The following HS6ST3 variants were observed in gnomAD, a reference collection of about 807,000 sequenced individuals.
The protein encoded by HS6ST3 is heparan sulfate 6-O-sulfotransferase 3, also known as heparan-sulfate 6-O-sulfotransferase 3.
In HS6ST3, 12 loss-of-function variants were observed where a neutral mutation model predicts 36.7. That is an observed-to-expected ratio of 0.33 (90% CI 0.21 to 0.53). HS6ST3 has a LOEUF of 0.53. Ranked by LOEUF, HS6ST3 falls within the 20% of genes least tolerant of loss-of-function variation. The pLI, the probability that HS6ST3 is intolerant of heterozygous loss-of-function variation, is 0.95. For missense variants in HS6ST3, 584 were observed against 640.9 expected, an observed-to-expected ratio of 0.91 and a Z score of 0.96; for synonymous variants, 240 against 257.5, an observed-to-expected ratio of 0.93 and a Z score of 0.65.
At chr13:96,751,618 A>G (rs369104544) in intron 1 of HS6ST3, among the ~76,000 whole-genome samples, 1 of 152,134 alleles carries the variant, frequency 6.6e-6, no homozygotes, top group Non-Finnish European at 1.5e-5. Flanking sequence ...ATAAATGAAT[A>G]CATTTTTAAA....
intron 1 of HS6ST3, among the ~76,000 whole-genome samples, chr13:96,554,297 A>G (rs2056231185): frequency 6.6e-6 from 1 of 152,222 alleles, no homozygotes; most frequent in African/African-American, 2.4e-5. Flanking sequence ...TCCAGATATC[A>G]TATCTTGCTG....
At chr13:96,225,023 A>G (rs968097158) in intron 1 of HS6ST3, among the ~76,000 whole-genome samples, 1 of 152,216 alleles carries the variant, frequency 6.6e-6, no homozygotes, top group Non-Finnish European at 1.5e-5. Context: ...GTGCACCACA[A>G]TATATTAGCT....
At chr13:96,582,380 A>G (rs1489290111) in intron 1 of HS6ST3, among the ~76,000 whole-genome samples, 1 of 152,232 alleles carries the variant, frequency 6.6e-6, no homozygotes, top group African/African-American at 2.4e-5. Context: ...TCTAATTTAA[A>G]AGAAATTTCC....
chr13:96,310,831 CAG>C (rs1288912020), intron 1 of HS6ST3, among the ~76,000 whole-genome samples: 3 of 152,106 alleles, frequency 2.0e-5, no homozygotes, highest in African/African-American at 7.2e-5. Flanking sequence ...CATTTAACTA[CAG>C]TTCACCTTAA....
At chr13:96,485,762 G>A (rs902609798) in intron 1 of HS6ST3, among the ~76,000 whole-genome samples, 2 of 152,130 alleles carry the variant, frequency 1.3e-5, no homozygotes, top group African/African-American at 4.8e-5. Flanking sequence ...ATATATGAAT[G>A]AACATCAGTT....
intron 1 of HS6ST3, among the ~76,000 whole-genome samples, chr13:96,589,124 A>C (rs2056373678): frequency 6.8e-6 from 1 of 147,090 alleles, no homozygotes; most frequent in Admixed American, 6.7e-5. Flanking sequence ...AATTGTTTTT[A>C]GTTCTTCATT....
chr13:96,285,769 T>C (rs2054798661), intron 1 of HS6ST3, among the ~76,000 whole-genome samples: 1 of 152,160 alleles, frequency 6.6e-6, no homozygotes, highest in Non-Finnish European at 1.5e-5. Context: ...CTCGCATAAC[T>C]GGCAAGTCTT....
At chr13:96,171,712 A>G (rs1450510746) in intron 1 of HS6ST3, among the ~76,000 whole-genome samples, 1 of 152,190 alleles carries the variant, frequency 6.6e-6, no homozygotes, top group Non-Finnish European at 1.5e-5. Context: ...TCTGCTTATT[A>G]AGTAGTTAGG....
At chr13:96,228,472 G>A (rs1030734283) in intron 1 of HS6ST3, among the ~76,000 whole-genome samples, 4 of 152,102 alleles carry the variant, frequency 2.6e-5, no homozygotes, top group Admixed American at 6.5e-5. Flanking sequence ...CATCATGTTG[G>A]CCAGGCTGGT....
intron 1 of HS6ST3, among the ~76,000 whole-genome samples, chr13:96,473,450 T>C (rs2055848866): frequency 6.6e-6 from 1 of 152,230 alleles, no homozygotes; most frequent in Admixed American, 6.5e-5. Context: ...TGTTTTAGAA[T>C]GCATGTGCTG....
chr13:96,825,687 A>G (rs562333974), intron 1 of HS6ST3, among the ~76,000 whole-genome samples: 2 of 152,304 alleles, frequency 1.3e-5, no homozygotes, highest in South Asian at 4.1e-4. Flanking sequence ...GCAATTCACA[A>G]TCACATTCAG....
intron 1 of HS6ST3, among the ~76,000 whole-genome samples, chr13:96,310,570 A>G (rs777407771): frequency 6.6e-6 from 1 of 152,008 alleles, no homozygotes; most frequent in African/African-American, 2.4e-5. Context: ...GAGATTTGAG[A>G]TATGCTCTCT....
At chr13:96,181,871 C>A (rs1045786633) in intron 1 of HS6ST3, among the ~76,000 whole-genome samples, 14 of 152,256 alleles carry the variant, frequency 9.2e-5, no homozygotes, top group Non-Finnish European at 1.5e-4. Context: ...TTTCTCCCCC[C>A]ACTGCAGGAT....
intron 1 of HS6ST3, among the ~76,000 whole-genome samples, chr13:96,753,861 C>T (rs1336973370): frequency 6.6e-6 from 1 of 152,082 alleles, no homozygotes; most frequent in Non-Finnish European, 1.5e-5. Flanking sequence ...GCTCTGTTGC[C>T]CATGCTGGAG....
At chr13:96,534,936 G>A (rs2056149282) in intron 1 of HS6ST3, among the ~76,000 whole-genome samples, 1 of 152,120 alleles carries the variant, frequency 6.6e-6, no homozygotes, top group African/African-American at 2.4e-5. Context: ...CTCCAGCCTG[G>A]GTGACAGAGC....
chr13:96,090,851 G>A lies in HS6ST3; in HGVS notation c.-12G>A, dbSNP rs1381810939. ...CCGCCGCCGCTTCGCCTGCCGGCCTGAGAGCGGGACCATGGATGAAAGGTT... is the reference window on the plus strand; with the variant it reads ...CCGCCGCCGCTTCGCCTGCCGGCCTAAGAGCGGGACCATGGATGAAAGGTT... On this transcript the variant is annotated 5_prime_UTR_variant, in exon 1 of 2. An upstream open reading frame in the 5' UTR loses its in-frame stop. Transcript: ENST00000376705. 6.7e-7 allele frequency: 1 copy of A among 1,484,290 alleles called. No individual in the cohort carries two copies. The highest frequency in any genetic ancestry group is 2.2e-5 in the Admixed American group (1 of 44,962). 91.9% of individuals were successfully genotyped at this position (1,484,290 alleles called of 1,614,324 possible). A position where few individuals can be genotyped will look rare whatever the true frequency, so the allele number is the denominator to read the frequency against.
intron 1 of HS6ST3, among the ~76,000 whole-genome samples, chr13:96,734,586 AT>A (rs1876236425): frequency 6.6e-6 from 1 of 152,212 alleles, no homozygotes; most frequent in Non-Finnish European, 1.5e-5. Context: ...TCAGAAATAG[AT>A]TAAATATACA....
intron 1 of HS6ST3, among the ~76,000 whole-genome samples, chr13:96,652,334 G>A (rs906782185): frequency 2.6e-5 from 4 of 151,582 alleles, no homozygotes; most frequent in Non-Finnish European, 4.4e-5. Context: ...ATGCAGTCCC[G>A]TCCCTTTCCT....
At position 96,547,255 on chromosome 13, in the gene HS6ST3, G is replaced by T. The variant is rs541914370; in HGVS notation, c.708-285235G>T. Among the ~76,000 whole-genome samples, 305 of 152,318 alleles carry T rather than the reference G, an allele frequency of 2.0e-3. 1 individual carries two copies. The highest frequency in any genetic ancestry group is 3.1e-3 in the Non-Finnish European group (210 of 68,034). On this transcript the variant is annotated intron_variant, in intron 1 of 1. Coordinates refer to ENST00000376705, the MANE Select transcript of HS6ST3 (RefSeq NM_153456.4). ...AGGGCATGTGTGCAAGTTAAGATAT[G>T]CTTGGGTTTGGCTTAGGTAGCTGTT...
Sources: gnomAD v4.1 joint callset for allele counts (sites outside exome capture counted in the v4.1 genomes callset) on GRCh38, gnomAD v4.1.1 for gene constraint, MANE v1.5 for transcripts, NCBI Gene and HGNC (gene_info 2026-07-23, HGNC 2026-07-21) for gene names.